Variants in DUXB observed in about 807,000 individuals in gnomAD.
DUXB encodes double homeobox protein B.
In DUXB, 22 loss-of-function variants were observed where a neutral mutation model predicts 8.9. The ratio of observed to expected loss-of-function variants is 2.46; its 90% CI spans 1.76 to 3.52. DUXB has a LOEUF of 3.52. Ranked by LOEUF, DUXB falls within the 30% of genes most tolerant of loss-of-function variation. The pLI, the probability that DUXB is intolerant of heterozygous loss-of-function variation, is 0.00. For synonymous variants in DUXB, 84 were observed against 37.6 expected (o/e 2.23, Z -4.52); for missense variants, 237 against 108.7 (o/e 2.18, Z -5.25).
In DUXB at chr16:75,694,452, T is replaced by G; in HGVS notation, c.515A>C (p.Asp172Ala). The change falls in exon 5 of 5, where the codon GAC (aspartate) becomes GCC (alanine). Residue 172 changes from aspartate (D) to alanine (A), a missense_variant. By Grantham distance (126) the Asp-to-Ala change is moderately radical. Transcript: ENST00000633875. ...AGTTGCATCTGGTCTCTCATTTGGG[T>G]CGTCTACCAATAAATTCATGGGCTC... ...RMEPMNLLVD[D>A]PNERPDATVG... 1.4e-6 allele frequency: 1 copy of G among 702,966 alleles called. No homozygotes were observed. The highest frequency in any genetic ancestry group is 2.6e-6 in the Non-Finnish European group (1 of 384,990). 43.5% of individuals were successfully genotyped at this position (702,966 alleles called of 1,614,324 possible).
Position 75,694,305 on chromosome 16 carries a change from C to G in DUXB, c.662G>C (p.Trp221Ser), listed in dbSNP as rs1269677930. The change falls in exon 5 of 5, where the codon TGG becomes TCG. Residue 221 changes from tryptophan to serine, a missense_variant. Physicochemically the swap from Trp to Ser is radical, Grantham distance 177. Coordinates refer to ENST00000633875, the MANE Select transcript of DUXB (RefSeq NM_001351307.2). Reference protein sequence around the residue: ...PPVLPSTQAPWDPFRFHVSQG... With the variant: ...PPVLPSTQAPSDPFRFHVSQG... ...GCTCACATGGAACCTGAAGGGATCC[C>G]AAGGAGCCTGGGTTGAAGGAAGAAC... is the stretch of plus-strand genomic sequence containing the variant. The G allele has an allele frequency of 1.1e-5, 7 of 615,494 alleles. No homozygotes were observed. Among genetic ancestry groups the G allele is most frequent in the Non-Finnish European group, 2.0e-5 (7 of 348,124 alleles). 38.1% of individuals were successfully genotyped at this position (615,494 alleles called of 1,614,324 possible). A position where few individuals can be genotyped will look rare whatever the true frequency, so the allele number is the denominator to read the frequency against.
Position 75,696,943 on chromosome 16 carries a change from C to T in DUXB, c.181G>A (p.Val61Ile). Residue 61 changes from valine (V) to isoleucine (I), a missense_variant and splice_region_variant, in exon 3 of 5, where the codon GTT becomes ATT. By Grantham distance (29) the Val-to-Ile change is conservative (BLOSUM62 3). Transcript: ENST00000633875. ...EIGVPESNIQ[V>I]WFKNYRVKQR... Reference sequence around the variant, plus strand: ...TTTACTCTGTAATTTTTAAACCAAACCTAAGTAGGAGAAGAAGATGTGATA... The same window carrying T: ...TTTACTCTGTAATTTTTAAACCAAATCTAAGTAGGAGAAGAAGATGTGATA... 3 of 701,642 alleles carry T rather than the reference C, an allele frequency of 4.3e-6. No homozygotes were observed. The Middle Eastern group carries it at 6.9e-4, about 161-fold the overall frequency. 43.5% of individuals were successfully genotyped at this position (701,642 alleles called of 1,614,324 possible). A position where few individuals can be genotyped will look rare whatever the true frequency, so the allele number is the denominator to read the frequency against.
At chr16:75,696,988 G>A (rs2082613162) in intron 2 of DUXB, 45 bp from the exon 3 acceptor site, 1 of 686,778 alleles carries the variant, frequency 1.5e-6, no homozygotes, top group Admixed American at 2.2e-5. Context: ...CTCAGTGTAT[G>A]TCAATATTGC....
intron 4 of DUXB, 127 bp downstream of exon 4, chr16:75,695,834 T>C (rs2082601357): frequency 1.6e-6 from 1 of 610,896 alleles, no homozygotes; most frequent in African/African-American, 1.8e-5. Flanking sequence ...GTGCCAGGCG[T>C]TTACCATCCC....
Position 75,701,441 on chromosome 16 carries a change from C to CGGACTGGACTCT in DUXB, c.-24_-23insAGAGTCCAGTCC. The CGGACTGGACTCT allele has an allele frequency of 7.5e-6, 3 of 398,376 alleles. No homozygotes were observed. The highest frequency in any genetic ancestry group is 1.3e-5 in the Non-Finnish European group (3 of 226,038). The allele number at this position is 398,376 out of a possible 1,614,324, so 24.7% of individuals were successfully genotyped here. On this transcript the variant is annotated 5_prime_UTR_variant, in exon 1 of 5. Coordinates refer to ENST00000633875, the MANE Select transcript of DUXB (RefSeq NM_001351307.2). ...CATCTTGGGCAGAAGACCTGGACTCCACGGAGATCAGCGAGTAACTGAGCA... is the reference window on the plus strand; with the variant it reads ...CATCTTGGGCAGAAGACCTGGACTCCGGACTGGACTCTACGGAGATCAGCGAGTAACTGAGCA...
At chr16:75,699,749 G>T (rs141539910) in intron 2 of DUXB, among the ~76,000 whole-genome samples, 3,577 of 152,104 alleles carry the variant, frequency 0.024, 254 homozygotes, top group East Asian at 0.22. Context: ...TTTTAGTAGA[G>T]AGAGGGTTTC....
At chr16:75,697,833 G>A (rs1201746468) in intron 2 of DUXB, among the ~76,000 whole-genome samples, 4 of 152,182 alleles carry the variant, frequency 2.6e-5, no homozygotes, top group Non-Finnish European at 5.9e-5. Context: ...TGCTGTGTTA[G>A]ATTGTCATAG....
chr16:75,700,536 G>C (rs949426442), intron 1 of DUXB, among the ~76,000 whole-genome samples: 1 of 151,464 alleles, frequency 6.6e-6, no homozygotes, highest in Admixed American at 6.6e-5. Flanking sequence ...ACTATTTTTT[G>C]AGATGGAGTC....
chr16:75,700,358 G>A (rs1220402370), intron 1 of DUXB, among the ~76,000 whole-genome samples, 189 bp from the exon 2 acceptor site: 2 of 151,838 alleles, frequency 1.3e-5, no homozygotes, highest in African/African-American at 2.4e-5. Flanking sequence ...CTCAGCCTCC[G>A]GAATAGCTGG....
In DUXB at chr16:75,700,011, C is replaced by T; in HGVS notation, c.180+4G>A. On this transcript the variant is annotated splice_donor_region_variant and intron_variant, in intron 2 of 4. Coordinates refer to ENST00000633875, the MANE Select transcript of DUXB (RefSeq NM_001351307.2). ...AGGTAATGAAGTAGAAATCTAATGCCTACCTGAATATTAGATTCTGGAACC... is the reference window on the plus strand; with the variant it reads ...AGGTAATGAAGTAGAAATCTAATGCTTACCTGAATATTAGATTCTGGAACC... 4.3e-6 allele frequency: 3 copies of T among 695,900 alleles called. No homozygotes were observed. The highest frequency in any genetic ancestry group is 7.8e-6 in the Non-Finnish European group (3 of 382,498). The allele number at this position is 695,900 out of a possible 1,614,324, so 43.1% of individuals were successfully genotyped here. A position where few individuals can be genotyped will look rare whatever the true frequency, so the allele number is the denominator to read the frequency against.
At position 75,694,151 on chromosome 16, in the gene DUXB, C is replaced by T. The variant is rs141275639; in HGVS notation, c.816G>A (p.Pro272=). ...LPILTKDLDT[P]TPFWLQYQEE... ...CTTGGTATTGGAGCCAGAAGGGAGT[C>T]GGAGTATCTAAGTCCTTTGTCAGAA... The change falls in exon 5 of 5, where the codon CCG becomes CCA. Residue 272 remains proline, a synonymous_variant. Coordinates refer to ENST00000633875, the MANE Select transcript of DUXB (RefSeq NM_001351307.2). 35 of 440,662 alleles carry T rather than the reference C, an allele frequency of 7.9e-5. No homozygotes were observed. Among genetic ancestry groups the T allele is most frequent in the African/African-American group, 1.4e-4 (7 of 49,516 alleles). 27.3% of individuals were successfully genotyped at this position (440,662 alleles called of 1,614,324 possible). A position where few individuals can be genotyped will look rare whatever the true frequency, so the allele number is the denominator to read the frequency against.
At chr16:75,700,197 T>G (rs1358541539) in intron 1 of DUXB, 28 bp from the exon 2 acceptor site, 3 of 686,722 alleles carry the variant, frequency 4.4e-6, no homozygotes, top group Non-Finnish European at 7.9e-6. Context: ...GGGAGAATAG[T>G]GTGAATAATA....
Position 75,695,896 on chromosome 16 carries a change from A to G in DUXB, c.441+65T>C, listed in dbSNP as rs760953874. The stretch of plus-strand genomic sequence containing the variant: ...AACCCAAGTCAGCTGTAAGTTTTTC[A>G]ATAACACCTCCAGGGGGCAGTATCA... On this transcript the variant is annotated intron_variant, in intron 4 of 4. Transcript: ENST00000633875. The G allele has an allele frequency of 4.4e-6, 3 of 682,874 alleles. No homozygotes were observed. In the South Asian group the frequency reaches 4.7e-5, roughly 11 times the overall value. The allele number at this position is 682,874 out of a possible 1,614,324, so 42.3% of individuals were successfully genotyped here. A position where few individuals can be genotyped will look rare whatever the true frequency, so the allele number is the denominator to read the frequency against.
chr16:75,700,862 T>C (rs1959206483), intron 1 of DUXB, among the ~76,000 whole-genome samples: 1 of 152,114 alleles, frequency 6.6e-6, no homozygotes, highest in Admixed American at 6.6e-5. Context: ...TCATGCTAAA[T>C]TGGGTATATA....
At chr16:75,695,856 C>T in intron 4 of DUXB, 105 bp downstream of exon 4, 1 of 637,982 alleles carries the variant, frequency 1.6e-6, no homozygotes, top group Non-Finnish European at 2.8e-6. Context: ...CGTTTCCGCC[C>T]TTGATGACTT....
In DUXB at chr16:75,694,195, G is replaced by T. The variant is rs1184295381; in HGVS notation, c.772C>A (p.His258Asn). 1.4e-5 allele frequency: 7 copies of T among 498,868 alleles called. No homozygotes were observed. Among genetic ancestry groups the T allele is most frequent in the Non-Finnish European group, 2.4e-5 (7 of 286,704 alleles). 30.9% of individuals were successfully genotyped at this position (498,868 alleles called of 1,614,324 possible). A position where few individuals can be genotyped will look rare whatever the true frequency, so the allele number is the denominator to read the frequency against. ...KSDQPLIIPN[H>N]LLTLPILTKD... is the part of the protein sequence containing the mutation. ...GTCAGAATTGGCAGTGTCAGGAGGT[G>T]ATTCGGAATTATCAGAGGCTGATCA... Residue 258 changes from histidine to asparagine, a missense_variant, in exon 5 of 5, where the codon CAC becomes AAC. Physicochemically the swap from His to Asn is moderately conservative, Grantham distance 68. Coordinates refer to ENST00000633875, the MANE Select transcript of DUXB (RefSeq NM_001351307.2).
Position 75,700,144 on chromosome 16 carries a change from T to G in DUXB, c.51A>C (p.Arg17Ser). The G allele has an allele frequency of 1.4e-6, 1 of 702,376 alleles. No homozygotes were observed. The highest frequency in any genetic ancestry group is 2.6e-6 in the Non-Finnish European group (1 of 384,760). The allele number at this position is 702,376 out of a possible 1,614,324, so 43.5% of individuals were successfully genotyped here. ...SGGILQKEFWRNRIQYNQSQK... is the reference protein window; with the variant it reads ...SGGILQKEFWSNRIQYNQSQK... ...GACTCTGGTTATACTGAATTCTGTT[T>G]CTCCAGAATTCTTTTTGAAGTATGC... is the stretch of plus-strand genomic sequence containing the variant. The change falls in exon 2 of 5, where the codon AGA becomes AGC. Residue 17 changes from arginine (R) to serine (S), a missense_variant. Arg to Ser is a moderately radical substitution (Grantham distance 110, BLOSUM62 -1). Coordinates refer to ENST00000633875, the MANE Select transcript of DUXB (RefSeq NM_001351307.2).
Position 75,694,510 on chromosome 16 carries a change from GT to G in DUXB, c.456del (p.Lys152AsnfsTer15), listed in dbSNP as rs766990718. 4.3e-6 allele frequency: 3 copies of G among 702,932 alleles called. No homozygotes were observed. In the South Asian group the frequency reaches 4.4e-5, roughly 10 times the overall value. 43.5% of individuals were successfully genotyped at this position (702,932 alleles called of 1,614,324 possible). ...QESRIQMWFQ[K>X]QRSLYLKKSR... The stretch of plus-strand genomic sequence containing the variant: ...CTCTTCTTGAGGTACAGAGATCTTT[GT>G]TTCTGAAACCACATCTAAATGAGAA... On this transcript the variant is annotated frameshift_variant, in exon 5 of 5. Transcript: ENST00000633875. LOFTEE classifies it low-confidence loss of function (END_TRUNC).
chr16:75,700,010 C>T lies in DUXB; in HGVS notation c.180+5G>A. The T allele has an allele frequency of 1.4e-6, 1 of 694,596 alleles. No homozygotes were observed. The highest frequency in any genetic ancestry group is 2.7e-5 in the East Asian group (1 of 37,136). The allele number at this position is 694,596 out of a possible 1,614,324, so 43.0% of individuals were successfully genotyped here. On this transcript the variant is annotated splice_donor_5th_base_variant and intron_variant, in intron 2 of 4. Transcript: ENST00000633875. ...CAGGTAATGAAGTAGAAATCTAATGCCTACCTGAATATTAGATTCTGGAAC... is the reference window on the plus strand; with the variant it reads ...CAGGTAATGAAGTAGAAATCTAATGTCTACCTGAATATTAGATTCTGGAAC...
Sources: gnomAD v4.1 joint callset for allele counts (sites outside exome capture counted in the v4.1 genomes callset) on GRCh38, gnomAD v4.1.1 for gene constraint, MANE v1.5 for transcripts, NCBI Gene and HGNC (gene_info 2026-07-23, HGNC 2026-07-21) for gene names.